The following MSI2 variants were observed in gnomAD, a reference collection of about 807,000 sequenced individuals.
MSI2 encodes RNA-binding protein Musashi homolog 2.
Under a neutral mutation model 45.6 loss-of-function variants are expected in MSI2, and 17 were observed. That is an observed-to-expected ratio of 0.37 (90% confidence interval 0.26 to 0.56). The LOEUF is 0.56. MSI2 is among the 20% of genes least tolerant of loss of function. MSI2 has a pLI of 0.77. For missense variants in MSI2, 293 were observed against 444.2 expected (o/e 0.66, Z 3.06); for synonymous variants, 156 against 158.2 (o/e 0.99, Z 0.11).
intron 5 of MSI2, among the ~76,000 whole-genome samples, chr17:57,286,246 C>A (rs3803757): frequency 0.14 from 19,793 of 144,752 alleles, 1,343 homozygotes; most frequent in South Asian, 0.15. Context: ...TTTTTTTTTT[C>A]CTCAGACTGA....
At chr17:57,393,401 G>T (rs1041946929) in intron 5 of MSI2, among the ~76,000 whole-genome samples, 10 of 152,204 alleles carry the variant, frequency 6.6e-5, no homozygotes, top group African/African-American at 2.4e-4. Flanking sequence ...TGTCTTGCTT[G>T]TTTCACTTGG....
At chr17:57,498,711 A>G (rs552555399) in intron 6 of MSI2, among the ~76,000 whole-genome samples, 1 of 152,232 alleles carries the variant, frequency 6.6e-6, no homozygotes, top group East Asian at 1.9e-4. Context: ...TGTTGGGGGA[A>G]ATCCCCTAGT....
intron 6 of MSI2, among the ~76,000 whole-genome samples, chr17:57,475,292 A>G (rs1189095363): frequency 6.6e-6 from 1 of 152,202 alleles, no homozygotes; most frequent in East Asian, 1.9e-4. Context: ...CTTGCTGAGT[A>G]ACAGATGCTC....
intron 5 of MSI2, among the ~76,000 whole-genome samples, chr17:57,340,695 G>A (rs1355118448): frequency 6.6e-6 from 1 of 152,196 alleles, no homozygotes; most frequent in Non-Finnish European, 1.5e-5. Flanking sequence ...GTGTTGTCAG[G>A]TAGACACTTG....
intron 10 of MSI2, among the ~76,000 whole-genome samples, chr17:57,648,795 G>A (rs1451432863): frequency 6.6e-6 from 1 of 152,184 alleles, no homozygotes; most frequent in Non-Finnish European, 1.5e-5. Context: ...TGCTAAGGCA[G>A]TCCCCTCCTT....
intron 4 of MSI2, among the ~76,000 whole-genome samples, chr17:57,260,848 A>C (rs1306962954): frequency 6.6e-6 from 1 of 152,130 alleles, no homozygotes; most frequent in Non-Finnish European, 1.5e-5. Flanking sequence ...GTCAGGGAAC[A>C]AATGAACTAT....
In MSI2 at chr17:57,683,746, G is replaced by C. The variant is rs934006138; in HGVS notation, c.*4229G>C. ...TCCAAGGAAGGCAGACAGTGGGAGA[G>C]CAGAGGGACTGACTGCAGGCAAGCA... On this transcript the variant is annotated 3_prime_UTR_variant, in exon 14 of 14. Coordinates refer to ENST00000284073, the MANE Select transcript of MSI2 (RefSeq NM_138962.4). This position sits in a 1 kb window ranked among gnomAD's most constrained non-coding sequence, Gnocchi z 5.2. The C allele has an allele frequency of 3.0e-5, 7 of 230,338 alleles. No individual in the cohort carries two copies. The highest frequency in any genetic ancestry group is 5.1e-5 in the Non-Finnish European group (6 of 116,640). The allele number at this position is 230,338 out of a possible 1,614,324, so 14.3% of individuals were successfully genotyped here. A position where few individuals can be genotyped will look rare whatever the true frequency, so the allele number is the denominator to read the frequency against.
chr17:57,650,670 G>A (rs149510145), intron 10 of MSI2, among the ~76,000 whole-genome samples: 1 of 152,276 alleles, frequency 6.6e-6, no homozygotes, highest in East Asian at 1.9e-4. Context: ...ATATTTAAAT[G>A]CAAGTATGTC....
intron 6 of MSI2, among the ~76,000 whole-genome samples, chr17:57,497,580 G>T (rs1448357554): frequency 6.6e-6 from 1 of 152,194 alleles, no homozygotes; most frequent in Non-Finnish European, 1.5e-5. Flanking sequence ...GTCTCTCTAT[G>T]TCTGAAGGCC....
At chr17:57,451,283 T>C (rs567814979) in intron 6 of MSI2, among the ~76,000 whole-genome samples, 4 of 152,220 alleles carry the variant, frequency 2.6e-5, no homozygotes, top group African/African-American at 7.2e-5. Context: ...TGTGGGTGCG[T>C]GCATGTGTGT....
At chr17:57,562,221 G>A (rs1446613764) in intron 7 of MSI2, among the ~76,000 whole-genome samples, 1 of 152,178 alleles carries the variant, frequency 6.6e-6, no homozygotes, top group Admixed American at 6.5e-5. Context: ...CGCACATCCA[G>A]TAAACAGTGA....
intron 6 of MSI2, among the ~76,000 whole-genome samples, chr17:57,502,636 T>TATATATATAGAGAG: frequency 3.1e-5 from 3 of 96,902 alleles, no homozygotes; most frequent in Non-Finnish European, 6.4e-5. Flanking sequence ...TATATATATA[T>TATATATATAGAGAG]AGTCATCATT....
chr17:57,649,069 G>A (rs2144676813), intron 10 of MSI2, among the ~76,000 whole-genome samples: 1 of 152,312 alleles, frequency 6.6e-6, no homozygotes, highest in African/African-American at 2.4e-5. Flanking sequence ...CTTAGGCTCA[G>A]GCCACCAGGA....
rs549838438 is a variant in MSI2 at position 57,599,266 on chromosome 17, G to T, written c.537+2316G>T. Among the ~76,000 whole-genome samples the T allele has an allele frequency of 7.2e-5, 11 of 152,344 alleles. 1 individual carries two copies. The highest frequency in any genetic ancestry group is 4.1e-4 in the South Asian group (2 of 4,828). On this transcript the variant is annotated intron_variant, in intron 8 of 13. Coordinates refer to ENST00000284073, the MANE Select transcript of MSI2 (RefSeq NM_138962.4). ...CAAACCCGAGACACAGATGGGGAAA[G>T]GCTTTATCCTGGGAAACTGAGGCTC...
intron 5 of MSI2, among the ~76,000 whole-genome samples, chr17:57,289,429 A>C (rs1172678825): frequency 1.3e-5 from 2 of 152,064 alleles, no homozygotes; most frequent in Admixed American, 1.3e-4. Context: ...TTTGTCACTC[A>C]GAGGGACTGG....
chr17:57,528,341 G>T (rs1409971621), intron 6 of MSI2, among the ~76,000 whole-genome samples: 2 of 152,160 alleles, frequency 1.3e-5, no homozygotes, highest in Non-Finnish European at 2.9e-5. Flanking sequence ...TGAGTTCCTT[G>T]AGCTCTACGT....
chr17:57,533,315 T>G (rs1240906882), intron 7 of MSI2, among the ~76,000 whole-genome samples: 1 of 152,138 alleles, frequency 6.6e-6, no homozygotes, highest in Non-Finnish European at 1.5e-5. Flanking sequence ...AGGAAGAGGG[T>G]CCCACGTTCA....
At chr17:57,352,994 C>T (rs866706072) in intron 5 of MSI2, among the ~76,000 whole-genome samples, 23 of 152,168 alleles carry the variant, frequency 1.5e-4, no homozygotes, top group South Asian at 2.1e-4. Context: ...AAAAATTAAT[C>T]GGTTCTCTGC....
chr17:57,668,148 G>A (rs1335839674), intron 11 of MSI2, among the ~76,000 whole-genome samples: 1 of 152,188 alleles, frequency 6.6e-6, no homozygotes. Flanking sequence ...GCAGTGAGTC[G>A]AGATTACACC....
Sources: allele counts gnomAD v4.1 joint callset (sites outside exome capture counted in the v4.1 genomes callset), GRCh38; gene constraint gnomAD v4.1.1; non-coding constraint Gnocchi (gnomAD v3.1); transcripts MANE v1.5; gene names NCBI Gene and HGNC (gene_info 2026-07-23, HGNC 2026-07-21).